PKD2L1: variants seen among roughly 807,000 people sequenced by gnomAD.
PKD2L1 encodes the protein polycystin-2-like protein 1.
In PKD2L1, 77 loss-of-function variants were observed where a neutral mutation model predicts 93.0. The observed-to-expected ratio is 0.83, with a 90% CI of 0.69 to 1.00. The LOEUF (loss-of-function observed/expected upper bound fraction) is 1.00. PKD2L1 is among the 50% of genes least tolerant of loss of function. The pLI is 0.00. For synonymous variants in PKD2L1, 390 were observed against 388.0 expected, an observed-to-expected ratio of 1.01 and a Z score of -0.06; for missense variants, 977 against 990.9, an observed-to-expected ratio of 0.99 and a Z score of 0.19.
chr10:100,320,360 T>G (rs1388472700), intron 2 of PKD2L1, among the ~76,000 whole-genome samples: 1 of 152,226 alleles, frequency 6.6e-6, no homozygotes, highest in Non-Finnish European at 1.5e-5. Context: ...TCTTGGATTA[T>G]AGGTCCACCA....
At chr10:100,295,556 AC>A (rs1459949604) in intron 7 of PKD2L1, among the ~76,000 whole-genome samples, 19 of 150,972 alleles carry the variant, frequency 1.3e-4, no homozygotes, top group Non-Finnish European at 5.9e-5. Flanking sequence ...ACATGGTGAA[AC>A]CTCGTCTCTA....
rs530270194 is a variant in PKD2L1, at chr10:100,322,197, G to A, written c.349+7014C>T. 2.0e-5 allele frequency among the ~76,000 whole-genome samples: 3 copies of A among 152,212 alleles called. No homozygotes were observed. In the East Asian group the frequency reaches 5.8e-4, roughly 29 times the overall value. On this transcript the variant is annotated intron_variant, in intron 2 of 15. Coordinates refer to ENST00000318222, the MANE Select transcript of PKD2L1 (RefSeq NM_016112.3). ...GTTACACCACCGCATAACAGCCTGA[G>A]CAACAGAGCAAGGCCCGGTCTCAAA...
intron 2 of PKD2L1, among the ~76,000 whole-genome samples, chr10:100,302,542 A>G (rs961289661): frequency 3.9e-5 from 6 of 151,974 alleles, no homozygotes; most frequent in African/African-American, 1.5e-4. Flanking sequence ...ACAAAAAAAA[A>G]AAATTACAAA....
chr10:100,324,536 C>G (rs1355888370), intron 2 of PKD2L1, among the ~76,000 whole-genome samples: 1 of 152,158 alleles, frequency 6.6e-6, no homozygotes, highest in Admixed American at 6.5e-5. Flanking sequence ...AGTATGTAAC[C>G]TTTTCAGATT....
At chr10:100,309,138 A>G (rs1238371323) in intron 2 of PKD2L1, among the ~76,000 whole-genome samples, 2 of 152,202 alleles carry the variant, frequency 1.3e-5, no homozygotes, top group Non-Finnish European at 2.9e-5. Context: ...GACAATTATT[A>G]AGTAAATTAT....
At chr10:100,292,644 A>G (rs1196758861) in intron 11 of PKD2L1, among the ~76,000 whole-genome samples, 1 of 152,228 alleles carries the variant, frequency 6.6e-6, no homozygotes, top group Non-Finnish European at 1.5e-5. Context: ...GGGGAAGCAT[A>G]GAACAAAAAT....
Position 100,290,531 on chromosome 10 carries a change from G to C in PKD2L1, c.2008-12C>G. On this transcript the variant is annotated splice_polypyrimidine_tract_variant and intron_variant, in intron 12 of 15. Coordinates refer to ENST00000318222, the MANE Select transcript of PKD2L1 (RefSeq NM_016112.3). Reference sequence around the variant, plus strand: ...GTGTTGAGGGCCACCTGCTCAGGAAGTCAGAGGTTAGAGGGGAGGAGATAA... The same window carrying C: ...GTGTTGAGGGCCACCTGCTCAGGAACTCAGAGGTTAGAGGGGAGGAGATAA... 1 of 1,567,208 alleles carries C rather than the reference G, an allele frequency of 6.4e-7. No homozygotes were observed. Among genetic ancestry groups the C allele is most frequent in the African/African-American group, 1.3e-5 (1 of 74,144 alleles).
At chr10:100,311,401 G>A (rs1276758193) in intron 2 of PKD2L1, among the ~76,000 whole-genome samples, 3 of 152,114 alleles carry the variant, frequency 2.0e-5, no homozygotes, top group Non-Finnish European at 4.4e-5. Flanking sequence ...AGACATAGGT[G>A]GGGCATAAAT....
At position 100,290,113 on chromosome 10, in the gene PKD2L1, C is replaced by T; in HGVS notation, c.2152G>A (p.Glu718Lys). The T allele has an allele frequency of 2.5e-6, 4 of 1,614,116 alleles. No homozygotes were observed. Among genetic ancestry groups the T allele is most frequent in the Non-Finnish European group, 3.4e-6 (4 of 1,180,006 alleles). The change falls in exon 14 of 16, where the codon GAG becomes AAG. Residue 718 changes from glutamate to lysine, a missense_variant. Transcript: ENST00000318222. ...YMLTRRVLQL[E>K]TVLEGVVSQI... ...GACACTACTCCTTCCAGGACAGTCTCCAGCTGCAGAACTCTCCTTGTGAGC... is the reference window on the plus strand; with the variant it reads ...GACACTACTCCTTCCAGGACAGTCTTCAGCTGCAGAACTCTCCTTGTGAGC...
At chr10:100,307,844 G>A (rs184122004) in intron 2 of PKD2L1, among the ~76,000 whole-genome samples, 10 of 152,302 alleles carry the variant, frequency 6.6e-5, no homozygotes, top group African/African-American at 2.4e-4. Context: ...GGGTTCTAGG[G>A]CTGGCCTTCC....
At chr10:100,295,709 A>G (rs1848516868) in intron 7 of PKD2L1, among the ~76,000 whole-genome samples, 1 of 138,750 alleles carries the variant, frequency 7.2e-6, no homozygotes, top group African/African-American at 2.8e-5. Flanking sequence ...CTCCAGCCAG[A>G]CAACAGAGTG....
At position 100,296,249 on chromosome 10, in the gene PKD2L1, T is replaced by A; in HGVS notation, c.1229A>T (p.Glu410Val). 6.2e-7 allele frequency: 1 copy of A among 1,609,122 alleles called. No individual in the cohort carries two copies. Among genetic ancestry groups the A allele is most frequent in the Non-Finnish European group, 8.5e-7 (1 of 1,178,130 alleles). Residue 410 changes from glutamate (E) to valine (V), a missense_variant, in exon 7 of 16, where the codon GAG becomes GTG. By Grantham distance (121) the Glu-to-Val change is moderately radical (BLOSUM62 -2). Coordinates refer to ENST00000318222, the MANE Select transcript of PKD2L1 (RefSeq NM_016112.3). ...GAGCTTCCCCATGAGCCGATTCACC[T>A]CGAGGGTTCGGAATATGTGGAAGCC... is the stretch of plus-strand genomic sequence containing the variant. ...AVGFHIFRTL[E>V]VNRLMGKLLQ... is the part of the protein sequence containing the mutation.
chr10:100,297,311 A>G (rs1195280763), intron 5 of PKD2L1, 71 bp downstream of exon 5: 2 of 1,537,166 alleles, frequency 1.3e-6, no homozygotes, highest in Non-Finnish European at 1.8e-6. Context: ...AGTTTAGGGA[A>G]GGGTCTCATG....
chr10:100,290,419 G>C lies in PKD2L1; in HGVS notation c.2108C>G (p.Ser703Ter). 1 of 1,612,200 alleles carries C rather than the reference G, an allele frequency of 6.2e-7. No individual in the cohort carries two copies. The highest frequency in any genetic ancestry group is 8.5e-7 in the Non-Finnish European group (1 of 1,178,888). Residue 703 changes from serine to a stop codon, truncating the protein, a stop_gained, in exon 13 of 16, where the codon TCA becomes TGA. Coordinates refer to ENST00000318222, the MANE Select transcript of PKD2L1 (RefSeq NM_016112.3). LOFTEE classifies it high-confidence loss of function. ...PEAARAGGWV[S>*]GEEFYMLTRR... Reference sequence around the variant, plus strand: ...CACGTACATGTAGAATTCTTCTCCTGAAACCCAGCCTCCTGCTCTGGCAGC... The same window carrying C: ...CACGTACATGTAGAATTCTTCTCCTCAAACCCAGCCTCCTGCTCTGGCAGC...
In PKD2L1 at chr10:100,297,430, A is replaced by C; in HGVS notation, c.908T>G (p.Ile303Ser). ...WLDRGTRVVF[I>S]DFSVYNANIN... Reference sequence around the variant, plus strand: ...ATTGGCATTGTAGACTGAGAAGTCGATGAACACCACTCGAGTGCCCCTGTC... The same window carrying C: ...ATTGGCATTGTAGACTGAGAAGTCGCTGAACACCACTCGAGTGCCCCTGTC... The change falls in exon 5 of 16, where the codon ATC becomes AGC. Residue 303 changes from isoleucine (I) to serine (S), a missense_variant. Ile to Ser is a moderately radical substitution (Grantham distance 142). Transcript: ENST00000318222. 7 of 1,614,178 alleles carry C rather than the reference A, an allele frequency of 4.3e-6. No individual in the cohort carries two copies. The highest frequency in any genetic ancestry group is 2.7e-5 in the African/African-American group (2 of 75,052).
chr10:100,290,501 T>C lies in PKD2L1; in HGVS notation c.2026A>G (p.Ile676Val). 6.2e-7 allele frequency: 1 copy of C among 1,612,764 alleles called. No individual in the cohort carries two copies. The highest frequency in any genetic ancestry group is 1.1e-5 in the South Asian group (1 of 91,080). Residue 676 changes from isoleucine (I) to valine (V), a missense_variant, in exon 13 of 16, where the codon ATT (isoleucine) becomes GTT (valine). Transcript: ENST00000318222. ...ACAATAGATCGGCCTAGTTTCTCAA[T>C]CTCAGTGTTGAGGGCCACCTGCTCA... Reference protein sequence around the residue: ...EEERVALNTEIEKLGRSIVSS... With the variant: ...EEERVALNTEVEKLGRSIVSS...
At chr10:100,307,539 G>C (rs1052390016) in intron 2 of PKD2L1, among the ~76,000 whole-genome samples, 1 of 152,124 alleles carries the variant, frequency 6.6e-6, no homozygotes, top group Non-Finnish European at 1.5e-5. Context: ...GGGCACCTGT[G>C]ATCCCAGCTA....
At chr10:100,305,544 C>T (rs1413014574) in intron 2 of PKD2L1, among the ~76,000 whole-genome samples, 2 of 152,240 alleles carry the variant, frequency 1.3e-5, no homozygotes, top group South Asian at 2.1e-4. Flanking sequence ...ATTCCTTAGT[C>T]CAAAGAGAAC....
At chr10:100,300,931 G>C (rs2134386405) in intron 2 of PKD2L1, among the ~76,000 whole-genome samples, 1 of 152,234 alleles carries the variant, frequency 6.6e-6, no homozygotes, top group Admixed American at 6.5e-5. Context: ...CGCTATCGGG[G>C]GAACCTGCCC....
Sources: gnomAD v4.1 joint callset for allele counts (sites outside exome capture counted in the v4.1 genomes callset) on GRCh38, gnomAD v4.1.1 for gene constraint, MANE v1.5 for transcripts, NCBI Gene and HGNC (gene_info 2026-07-23, HGNC 2026-07-21) for gene names.